Variants in RNF6 observed in about 807,000 individuals in gnomAD.
RNF6 encodes E3 ubiquitin-protein ligase RNF6.
RNF6 carries 21 observed loss-of-function variants against 50.1 expected under a neutral mutation model. The observed-to-expected ratio is 0.42, with a 90% CI of 0.30 to 0.60. The LOEUF (loss-of-function observed/expected upper bound fraction) is 0.60. RNF6 is among the 20% of genes least tolerant of loss of function. The probability of loss-of-function intolerance (pLI) is 0.20; values close to 1 mark genes in which losing one functional copy is unlikely to be tolerated. For missense variants in RNF6, 698 were observed against 838.2 expected (o/e 0.83, Z 2.07); for synonymous variants, 255 against 291.8 (o/e 0.87, Z 1.29).
rs1488212979 is a variant in RNF6, at chr13:26,174,546, C to A, written n.768+40928G>T. Among the ~76,000 whole-genome samples, 3 of 151,808 alleles carry A rather than the reference C, an allele frequency of 2.0e-5. No homozygotes were observed. The South Asian group carries it at 6.2e-4, about 31-fold the overall frequency. On this transcript the variant is annotated intron_variant and non_coding_transcript_variant, in intron 5 of 5. Transcript: ENST00000468480. ...TGGCAGGTGCCTGTAATCCCAGCTA[C>A]TCAGAGGCCCAGAGGCTGAGGCAGG...
intron 5 of RNF6, among the ~76,000 whole-genome samples, chr13:26,146,171 G>A (rs1871231329): frequency 6.6e-6 from 1 of 152,148 alleles, no homozygotes; most frequent in Admixed American, 6.6e-5. Flanking sequence ...ATCCCTTTGG[G>A]GAAGGCTGGG....
In RNF6 at chr13:26,183,459, G is replaced by A. The variant is rs143578477; in HGVS notation, n.768+32015C>T. 2.9e-3 allele frequency among the ~76,000 whole-genome samples: 437 copies of A among 152,208 alleles called. 12 individuals carry two copies. Among genetic ancestry groups the A allele is most frequent in the Admixed American group, 0.021 (324 of 15,284 alleles). On this transcript the variant is annotated intron_variant and non_coding_transcript_variant, in intron 5 of 5. Coordinates refer to the RNF6 transcript ENST00000468480. ...TCCCCACTCTGCCTAGACACTTTGG[G>A]CATCTGTGTATATTTGCTGGTAGGT...
chr13:26,219,411 T>G (rs1870237255), intron 3 of RNF6, 46 bp downstream of exon 3: 1 of 1,424,858 alleles, frequency 7.0e-7, no homozygotes, highest in Middle Eastern at 1.8e-4. Flanking sequence ...AATCCTTCCA[T>G]CTAAATGATG....
rs539134216 is a variant in RNF6 at position 26,145,448 on chromosome 13, G to A, written n.769-12997C>T. ...CTAGTAGGAGGTGACTGAATCATGGGGAGGGGGGGGGACTTCCCCCTTACT... is the reference window on the plus strand; with the variant it reads ...CTAGTAGGAGGTGACTGAATCATGGAGAGGGGGGGGGACTTCCCCCTTACT... On this transcript the variant is annotated intron_variant and non_coding_transcript_variant, in intron 5 of 5. Transcript: ENST00000468480. Among the ~76,000 whole-genome samples the A allele has an allele frequency of 6.4e-5, 8 of 125,818 alleles. No individual in the cohort carries two copies. The South Asian group carries it at 8.0e-4, about 13-fold the overall frequency. The allele number at this position is 125,818 out of a possible 152,430, so 82.5% of individuals were successfully genotyped here. A position where few individuals can be genotyped will look rare whatever the true frequency, so the allele number is the denominator to read the frequency against.
intron 5 of RNF6, among the ~76,000 whole-genome samples, chr13:26,158,237 G>A (rs1354779211): frequency 2.0e-5 from 3 of 152,070 alleles, no homozygotes; most frequent in Non-Finnish European, 2.9e-5. Context: ...AGGTCTCTGC[G>A]TCTGCGTTCA....
At chr13:26,216,442 G>A (rs1869882249) in intron 4 of RNF6, among the ~76,000 whole-genome samples, 1 of 151,998 alleles carries the variant, frequency 6.6e-6, no homozygotes, top group Admixed American at 6.6e-5. Context: ...AGCCTCTACA[G>A]CAGTATCTAG....
chr13:26,134,219 A>G (rs1336460748), intron 5 of RNF6, among the ~76,000 whole-genome samples: 1 of 152,202 alleles, frequency 6.6e-6, no homozygotes, highest in Non-Finnish European at 1.5e-5. Flanking sequence ...GACACTATGA[A>G]AAGAGGGAAG....
intron 5 of RNF6, among the ~76,000 whole-genome samples, chr13:26,158,844 C>G (rs1872070982): frequency 6.6e-6 from 1 of 151,914 alleles, no homozygotes; most frequent in South Asian, 2.1e-4. Context: ...GTTTTTTTCC[C>G]CATTATTCTG....
chr13:26,173,068 A>G (rs937135970), intron 5 of RNF6, among the ~76,000 whole-genome samples: 3 of 152,260 alleles, frequency 2.0e-5, no homozygotes, highest in Admixed American at 1.3e-4. Context: ...ACTAAAAATT[A>G]AAGACGAGGA....
At chr13:26,203,090 T>G (rs1383554761) in intron 5 of RNF6, among the ~76,000 whole-genome samples, 1 of 152,188 alleles carries the variant, frequency 6.6e-6, no homozygotes, top group Non-Finnish European at 1.5e-5. Context: ...AACCATTATG[T>G]GGCAATTTGG....
At chr13:26,133,970 G>T (rs301072) in intron 5 of RNF6, among the ~76,000 whole-genome samples, 141,981 of 152,230 alleles carry the variant, frequency 0.93, 66,318 homozygotes, top group East Asian at 0.99. Flanking sequence ...CATTTAAACT[G>T]TCTGTTTTAT....
At chr13:26,151,132 C>G (rs995843141) in intron 5 of RNF6, among the ~76,000 whole-genome samples, 59 of 152,336 alleles carry the variant, frequency 3.9e-4, no homozygotes, top group South Asian at 2.1e-4. Context: ...AGTGCAACTA[C>G]TTAACAACAC....
intron 5 of RNF6, among the ~76,000 whole-genome samples, chr13:26,190,938 G>A (rs1390569744): frequency 5.9e-5 from 9 of 152,118 alleles, no homozygotes; most frequent in Non-Finnish European, 1.3e-4. Flanking sequence ...AAATCCAAAG[G>A]TGCTGAGTCA....
At chr13:26,159,361 A>C (rs977088078) in intron 5 of RNF6, among the ~76,000 whole-genome samples, 3 of 152,188 alleles carry the variant, frequency 2.0e-5, no homozygotes, top group African/African-American at 7.2e-5. Flanking sequence ...GCGGTGGCTC[A>C]CGCCTGTAAT....
intron 5 of RNF6, among the ~76,000 whole-genome samples, chr13:26,200,531 A>G (rs1830860): frequency 0.52 from 79,243 of 151,358 alleles, 22,796 homozygotes; most frequent in East Asian, 0.7. Flanking sequence ...TGCCTCAGCC[A>G]TGTAGCTGGG....
At chr13:26,209,853 A>C (rs1372614346), downstream of RNF6, among the ~76,000 whole-genome samples, 1 of 152,222 alleles carries the variant, frequency 6.6e-6, no homozygotes, top group African/African-American at 2.4e-5. Context: ...AACACAATAG[A>C]GGAAAAATAT....
At chr13:26,187,275 G>C (rs989068660) in intron 5 of RNF6, among the ~76,000 whole-genome samples, 10 of 131,926 alleles carry the variant, frequency 7.6e-5, no homozygotes, top group African/African-American at 2.5e-4. Context: ...AATAGAAAGG[G>C]GGAAAGCCCT....
intron 5 of RNF6, among the ~76,000 whole-genome samples, chr13:26,134,987 C>T (rs12873928): frequency 0.055 from 8,304 of 152,072 alleles, 291 homozygotes; most frequent in Middle Eastern, 0.092. Flanking sequence ...GGTAAACAAA[C>T]GTGAATAGAC....
Position 26,199,644 on chromosome 13 carries a change from A to C in RNF6, n.768+15830T>G, listed in dbSNP as rs146842034. On this transcript the variant is annotated intron_variant and non_coding_transcript_variant, in intron 5 of 5. Transcript: ENST00000468480. ...TCTACAGACATATATTTGTATATGT[A>C]TGTAGATATAAATTACAAATGAATA... 2.0e-3 allele frequency among the ~76,000 whole-genome samples: 310 copies of C among 152,324 alleles called. 4 individuals are homozygous for C. In the South Asian group the frequency reaches 0.026, roughly 13 times the overall value.
Sources: gnomAD v4.1 joint callset for allele counts (sites outside exome capture counted in the v4.1 genomes callset) on GRCh38, gnomAD v4.1.1 for gene constraint, MANE v1.5 for transcripts, NCBI Gene and HGNC (gene_info 2026-07-23, HGNC 2026-07-21) for gene names.